Variants in DSE observed in about 807,000 individuals in gnomAD.
DSE encodes dermatan sulfate epimerase, also known as dermatan-sulfate epimerase.
Under a neutral mutation model 84.4 loss-of-function variants are expected in DSE, and 36 were observed. The observed-to-expected ratio is 0.43, with a 90% CI of 0.33 to 0.56. DSE has a LOEUF of 0.56. Among genes scored for constraint, DSE ranks in the 20% least tolerant of loss-of-function variants. The pLI is 0.06. For missense variants in DSE, 862 were observed against 1,169.6 expected (o/e 0.74, Z 3.84); for synonymous variants, 410 against 430.1 (o/e 0.95, Z 0.58).
At chr6:116,381,006 T>C (rs1172241446) in intron 1 of DSE, among the ~76,000 whole-genome samples, 1 of 152,212 alleles carries the variant, frequency 6.6e-6, no homozygotes, top group Non-Finnish European at 1.5e-5. Flanking sequence ...GTCATTCTTA[T>C]GCAAACTTCA....
At chr6:116,348,575 C>G (rs1479640066) in intron 2 of DSE, among the ~76,000 whole-genome samples, 1 of 152,164 alleles carries the variant, frequency 6.6e-6, no homozygotes, top group African/African-American at 2.4e-5. Context: ...GGCGATTCCT[C>G]AAGGATCTAG....
intron 2 of DSE, among the ~76,000 whole-genome samples, chr6:116,357,811 C>T (rs1258514010): frequency 3.3e-5 from 5 of 152,102 alleles, no homozygotes; most frequent in East Asian, 1.9e-4. Context: ...TTAAAATCCG[C>T]GTGCGCACGT....
At chr6:116,323,164 C>G (rs1014100507) in intron 2 of DSE, among the ~76,000 whole-genome samples, 1 of 152,178 alleles carries the variant, frequency 6.6e-6, no homozygotes, top group Admixed American at 6.5e-5. Context: ...TCCCAGTTCC[C>G]TTGTAAAGTG....
chr6:116,371,642 G>A (rs1779586275), intron 1 of DSE, among the ~76,000 whole-genome samples: 1 of 152,194 alleles, frequency 6.6e-6, no homozygotes, highest in Non-Finnish European at 1.5e-5. Flanking sequence ...AGAAGCCGAG[G>A]AAGAGCTCCC....
At chr6:116,433,658 A>G in intron 5 of DSE, 108 bp downstream of exon 5, 1 of 1,179,608 alleles carries the variant, frequency 8.5e-7, no homozygotes, top group South Asian at 1.5e-5. Flanking sequence ...CACTTTTTAA[A>G]TCTTTTCTCC....
At chr6:116,279,274 A>C (rs776249173) in intron 2 of DSE, 5 of 1,595,464 alleles carry the variant, frequency 3.1e-6, no homozygotes, top group Non-Finnish European at 4.2e-6. Context: ...CTGCTCCTCC[A>C]TTACCTCCTT....
rs1279149510 is a variant in DSE at position 116,416,981 on chromosome 6, G to C, written c.417-9593G>C. 3.3e-5 allele frequency among the ~76,000 whole-genome samples: 5 copies of C among 152,230 alleles called. No homozygotes were observed. In the East Asian group the frequency reaches 9.6e-4, roughly 29 times the overall value. ...TTCATGAACAATATAGGCAGACCTG[G>C]TTATTCCCTCCTATTGCCTTTCCAG... On this transcript the variant is annotated intron_variant, in intron 2 of 5. Coordinates refer to ENST00000644252, the MANE Select transcript of DSE (RefSeq NM_013352.4).
At chr6:116,401,416 T>A (rs956467918) in intron 2 of DSE, 9 of 152,104 alleles carry the variant, frequency 5.9e-5, no homozygotes, top group Non-Finnish European at 1.5e-5. Flanking sequence ...TCTAGTAAAC[T>A]AAAAGCCAAT....
rs375337613 is a variant in DSE at position 116,399,458 on chromosome 6, C to T, written c.208C>T (p.Arg70Cys). ...AASSHEHIAA[R>C]LTEAVHTMLS... Reference sequence around the variant, plus strand: ...CAGCTCGCACGAGCACATTGCAGCCCGCCTCACGGAGGCTGTGCACACGAT... The same window carrying T: ...CAGCTCGCACGAGCACATTGCAGCCTGCCTCACGGAGGCTGTGCACACGAT... Residue 70 changes from arginine (R) to cysteine (C), a missense_variant, in exon 2 of 6, where the codon CGC becomes TGC. Coordinates refer to ENST00000644252, the MANE Select transcript of DSE (RefSeq NM_013352.4). 221 of 1,614,104 alleles carry T rather than the reference C, an allele frequency of 1.4e-4. No homozygotes were observed. Among genetic ancestry groups the T allele is most frequent in the Non-Finnish European group, 1.8e-4 (209 of 1,180,052 alleles).
At chr6:116,335,202 G>A (rs1001435283) in intron 2 of DSE, among the ~76,000 whole-genome samples, 1 of 152,132 alleles carries the variant, frequency 6.6e-6, no homozygotes, top group Non-Finnish European at 1.5e-5. Context: ...CCATAAAAAG[G>A]GACAAGATCA....
chr6:116,400,755 C>T lies in DSE; in HGVS notation c.416+1089C>T, dbSNP rs191230549. 2.0e-5 allele frequency: 3 copies of T among 152,072 alleles called. No individual in the cohort carries two copies. The East Asian group carries it at 5.8e-4, about 29-fold the overall frequency. The allele number at this position is 152,072 out of a possible 1,614,324, so 9.4% of individuals were successfully genotyped here. ...TATTTGATTTATTTCAAAGCTTAGCCATGTATGTAGTTGTTTCTGACTTTG... is the reference window on the plus strand; with the variant it reads ...TATTTGATTTATTTCAAAGCTTAGCTATGTATGTAGTTGTTTCTGACTTTG... On this transcript the variant is annotated intron_variant, in intron 2 of 5. Coordinates refer to ENST00000644252, the MANE Select transcript of DSE (RefSeq NM_013352.4).
At chr6:116,275,525 G>A (rs1233582387) in intron 2 of DSE, among the ~76,000 whole-genome samples, 3 of 152,196 alleles carry the variant, frequency 2.0e-5, no homozygotes, top group Non-Finnish European at 4.4e-5. Flanking sequence ...GATGGGCTGG[G>A]TGCGGTGGCT....
chr6:116,316,028 C>G (rs535255790), intron 2 of DSE, among the ~76,000 whole-genome samples: 199 of 152,200 alleles, frequency 1.3e-3, no homozygotes, highest in Middle Eastern at 6.8e-3. Flanking sequence ...CTACTCTTCC[C>G]CATTACATAC....
At position 116,371,119 on chromosome 6, in the gene DSE, G is replaced by C. The variant is rs970161951; in HGVS notation, c.-56G>C. 1.0e-6 allele frequency: 1 copy of C among 986,236 alleles called. No homozygotes were observed. Among genetic ancestry groups the C allele is most frequent in the African/African-American group, 1.7e-5 (1 of 57,372 alleles). 61.1% of individuals were successfully genotyped at this position (986,236 alleles called of 1,614,324 possible). A position where few individuals can be genotyped will look rare whatever the true frequency, so the allele number is the denominator to read the frequency against. On this transcript the variant is annotated splice_region_variant and 5_prime_UTR_variant, in exon 1 of 6. Transcript: ENST00000644252. ...GGAGAGAACGAAGCCTCGGCTGGGA[G>C]CGGTAAGTGGAGGGGCGCGCAAGGG...
At chr6:116,340,033 C>T (rs1395842512) in intron 2 of DSE, among the ~76,000 whole-genome samples, 2 of 151,978 alleles carry the variant, frequency 1.3e-5, no homozygotes, top group Non-Finnish European at 2.9e-5. Flanking sequence ...GAGGAAGGAA[C>T]AAAGTAAAGA....
chr6:116,423,622 A>T (rs898977345), intron 2 of DSE, among the ~76,000 whole-genome samples: 1 of 152,246 alleles, frequency 6.6e-6, no homozygotes, highest in Non-Finnish European at 1.5e-5. Context: ...CTTCACCACC[A>T]TTCACAGTGA....
chr6:116,320,538 T>A (rs147819500), intron 2 of DSE, among the ~76,000 whole-genome samples: 73 of 151,560 alleles, frequency 4.8e-4, no homozygotes, highest in African/African-American at 1.7e-3. Context: ...GGGAAGGAGG[T>A]GTATTAGTTT....
At chr6:116,396,182 TA>T in intron 1 of DSE, among the ~76,000 whole-genome samples, 1 of 152,312 alleles carries the variant, frequency 6.6e-6, no homozygotes, top group East Asian at 1.9e-4. Context: ...TGCTGCCTTT[TA>T]AAAGCCAGAT....
At chr6:116,286,608 A>G (rs1773924723) in intron 2 of DSE, among the ~76,000 whole-genome samples, 1 of 152,320 alleles carries the variant, frequency 6.6e-6, no homozygotes, top group Admixed American at 6.5e-5. Flanking sequence ...AAACATCAAT[A>G]TAATCACATC....
Sources: allele counts gnomAD v4.1 joint callset (sites outside exome capture counted in the v4.1 genomes callset), GRCh38; gene constraint gnomAD v4.1.1; transcripts MANE v1.5; gene names NCBI Gene and HGNC (gene_info 2026-07-23, HGNC 2026-07-21).